The following DNAH10 variants were observed in gnomAD, a reference collection of about 807,000 sequenced individuals.
The protein encoded by DNAH10 is axonemal beta dynein heavy chain 10.
In DNAH10, 348 loss-of-function variants were observed where a neutral mutation model predicts 506.6. That is an observed-to-expected ratio of 0.69 (90% CI 0.63 to 0.75). The LOEUF (loss-of-function observed/expected upper bound fraction) is 0.75. Among genes scored for constraint, DNAH10 ranks in the 30% least tolerant of loss-of-function variants. The pLI is 0.00. For missense variants in DNAH10, 5,179 were observed against 5,787.1 expected, an observed-to-expected ratio of 0.89 and a Z score of 3.41; for synonymous variants, 2,059 against 2,198.6, an observed-to-expected ratio of 0.94 and a Z score of 1.78.
At chr12:123,842,700 A>G (rs1950814854) in intron 30 of DNAH10, among the ~76,000 whole-genome samples, 2 of 152,220 alleles carry the variant, frequency 1.3e-5, no homozygotes, top group Admixed American at 1.3e-4. Context: ...AAACTGGTAA[A>G]ACTGGATGTC....
At position 123,762,329 on chromosome 12, in the gene DNAH10, G is replaced by A; in HGVS notation, c.-8G>A. 7.5e-7 allele frequency: 1 copy of A among 1,334,850 alleles called. No individual in the cohort carries two copies. The highest frequency in any genetic ancestry group is 9.6e-7 in the Non-Finnish European group (1 of 1,041,298). The allele number at this position is 1,334,850 out of a possible 1,614,324, so 82.7% of individuals were successfully genotyped here. ...CTGCGCCCGGCTCCCTCTGCACTGC[G>A]CGGCGCCATGGACGACCTGCGGGTG... On this transcript the variant is annotated 5_prime_UTR_variant, in exon 1 of 79. Transcript: ENST00000673944. This position sits in a 1 kb window ranked among gnomAD's most constrained non-coding sequence, Gnocchi z 5.0.
rs1405799316 is a variant in DNAH10, at chr12:123,804,967, GC to G, written c.2919del (p.Lys974SerfsTer17). On this transcript the variant is annotated frameshift_variant, in exon 18 of 79. Transcript: ENST00000673944. LOFTEE classifies it high-confidence loss of function. The part of the protein sequence containing the change: ...GLVVHTNTGK[A>X]PKLASYYKYW... ...GGTCGTCCACACCAACACAGGCAAG[GC>G]CCCCAAGCTGGCCTCCTACTACAAA... 6.2e-7 allele frequency: 1 copy of G among 1,614,084 alleles called. No individual in the cohort carries two copies. Among genetic ancestry groups the G allele is most frequent in the Admixed American group, 1.7e-5 (1 of 59,992 alleles).
In DNAH10 at chr12:123,921,691, G is replaced by GTTTTTTT. The variant is rs35553163; in HGVS notation, c.11507-2038_11507-2032dup. The stretch of plus-strand genomic sequence containing the variant: ...CTTGTCCATCTGTCTGTAGCTTGCA[G>GTTTTTTT]TTTTTTTTTTTTTTTTTTTTTTTTT... On this transcript the variant is annotated intron_variant, in intron 65 of 78. Transcript: ENST00000673944. 6.5e-4 allele frequency among the ~76,000 whole-genome samples: 41 copies of GTTTTTTT among 62,882 alleles called. 7 individuals are homozygous for GTTTTTTT. Among genetic ancestry groups the GTTTTTTT allele is most frequent in the South Asian group, 8.7e-4 (1 of 1,156 alleles). The allele number at this position is 62,882 out of a possible 152,430, so 41.3% of individuals were successfully genotyped here.
At position 123,917,675 on chromosome 12, in the gene DNAH10, G is replaced by T; in HGVS notation, c.11094G>T (p.Gln3698His). The T allele has an allele frequency of 6.4e-7, 1 of 1,552,638 alleles. No homozygotes were observed. The highest frequency in any genetic ancestry group is 8.7e-7 in the Non-Finnish European group (1 of 1,147,618). Reference protein sequence around the residue: ...ELEEQREHLIQETSENKNLLK... With the variant: ...ELEEQREHLIHETSENKNLLK... Reference sequence around the variant, plus strand: ...AGGAGCAGCGGGAGCACCTCATCCAGGAGACCAGCGAGAACAAGAACCTGC... The same window carrying T: ...AGGAGCAGCGGGAGCACCTCATCCATGAGACCAGCGAGAACAAGAACCTGC... Residue 3698 changes from glutamine (Q) to histidine (H), a missense_variant, in exon 64 of 79, where the codon CAG becomes CAT. Physicochemically the swap from Gln to His is conservative, Grantham distance 24. Coordinates refer to ENST00000673944, the MANE Select transcript of DNAH10 (RefSeq NM_001372106.1). The surrounding 1 kb of genome is among the most constrained non-coding windows in gnomAD (Gnocchi z 5.6).
At chr12:123,843,928 T>C (rs541589236) in intron 30 of DNAH10, among the ~76,000 whole-genome samples, 1 of 152,260 alleles carries the variant, frequency 6.6e-6, no homozygotes, top group South Asian at 2.1e-4. Context: ...ATCAAGATAA[T>C]GACTATAGTA....
chr12:123,845,725 A>G lies in DNAH10; in HGVS notation c.5486A>G (p.Tyr1829Cys), dbSNP rs764735972. The G allele has an allele frequency of 1.2e-6, 2 of 1,613,824 alleles. No individual in the cohort carries two copies. Among genetic ancestry groups the G allele is most frequent in the African/African-American group, 2.7e-5 (2 of 74,908 alleles). The change falls in exon 31 of 79, where the codon TAT (tyrosine) becomes TGT (cysteine). Residue 1829 changes from tyrosine to cysteine, a missense_variant. Physicochemically the swap from Tyr to Cys is radical, Grantham distance 194. Coordinates refer to ENST00000673944, the MANE Select transcript of DNAH10 (RefSeq NM_001372106.1). ...QKGEKQAMKN[Y>C]GRKMHRQIDE... ...GGGGAGAAGCAGGCCATGAAGAACT[A>G]TGGCAGGAAAATGCACCGGCAGATC...
intron 3 of DNAH10, 22 bp from the exon 4 acceptor site, chr12:123,772,812 G>A: frequency 1.3e-6 from 2 of 1,566,262 alleles, no homozygotes; most frequent in Non-Finnish European, 1.7e-6. Flanking sequence ...AGAATGAATG[G>A]TTTTTGTTCC....
intron 19 of DNAH10, among the ~76,000 whole-genome samples, chr12:123,811,126 T>C (rs1958915102): frequency 6.6e-6 from 1 of 152,206 alleles, no homozygotes; most frequent in Non-Finnish European, 1.5e-5. Flanking sequence ...AGGATTCCTA[T>C]TTCGTGGCAA....
Position 123,866,007 on chromosome 12 carries a change from T to C in DNAH10, c.7101T>C (p.Tyr2367=), listed in dbSNP as rs899032141. The change falls in exon 41 of 79, where the codon TAT becomes TAC. Residue 2367 remains tyrosine, a synonymous_variant. Coordinates refer to ENST00000673944, the MANE Select transcript of DNAH10 (RefSeq NM_001372106.1). Reference sequence around the variant, plus strand: ...CTGTCTCTCGATGTGGAATGGTTTATGTGGATCCTAAAAACTTGAAATATC... The same window carrying C: ...CTGTCTCTCGATGTGGAATGGTTTACGTGGATCCTAAAAACTTGAAATATC... ...PATVSRCGMV[Y]VDPKNLKYRP... The C allele has an allele frequency of 6.2e-7, 1 of 1,612,756 alleles. No homozygotes were observed. Among genetic ancestry groups the C allele is most frequent in the Non-Finnish European group, 8.5e-7 (1 of 1,179,610 alleles).
chr12:123,879,720 C>T lies in DNAH10; in HGVS notation c.8553C>T (p.Asp2851=), dbSNP rs1436946589. 1.9e-6 allele frequency: 3 copies of T among 1,613,876 alleles called. No individual in the cohort carries two copies. The highest frequency in any genetic ancestry group is 1.7e-6 in the Non-Finnish European group (2 of 1,179,904). The change falls in exon 50 of 79, where the codon GAC becomes GAT. Residue 2851 remains aspartate, a synonymous_variant. Coordinates refer to ENST00000673944, the MANE Select transcript of DNAH10 (RefSeq NM_001372106.1). ...TGAGGGATCCCATATTGTTTGGAGA[C>T]TTCCAGATGGCTCTGCACGAAGGAG... ...VVMRDPILFG[D]FQMALHEGEP...
Position 123,771,687 on chromosome 12 carries a change from C to T in DNAH10, c.385C>T (p.Leu129Phe). Reference sequence around the variant, plus strand: ...AATGGACAAAGAGATTTCAGAAAAACTCCCTTCCAAAGTAAGCATGGCTCT... The same window carrying T: ...AATGGACAAAGAGATTTCAGAAAAATTCCCTTCCAAAGTAAGCATGGCTCT... ...EEMDKEISEK[L>F]PSKRTAKHIM... is the part of the protein sequence containing the mutation. Residue 129 changes from leucine to phenylalanine, a missense_variant, in exon 3 of 79, where the codon CTC becomes TTC. By Grantham distance (22) the Leu-to-Phe change is conservative. Coordinates refer to ENST00000673944, the MANE Select transcript of DNAH10 (RefSeq NM_001372106.1). 1 of 1,611,252 alleles carries T rather than the reference C, an allele frequency of 6.2e-7. No homozygotes were observed. The highest frequency in any genetic ancestry group is 8.5e-7 in the Non-Finnish European group (1 of 1,178,758).
rs1185109896 is a variant in DNAH10, at chr12:123,813,206, C to T, written c.3187C>T (p.Pro1063Ser). Residue 1063 changes from proline (P) to serine (S), a missense_variant, in exon 20 of 79, where the codon CCT (proline) becomes TCT (serine). Pro to Ser is a moderately conservative substitution (Grantham distance 74). Around this residue, in one of 3 missense-constraint regions of DNAH10, gnomAD observed 4,844 missense variants for 5,430.5 expected, o/e 0.89. Transcript: ENST00000673944. ...WMNGSCIECP[P>S]QKGEEEEVVI... ...GAATGGCAGCTGCATAGAATGCCCA[C>T]CTCAGAAGGGGGAGGAAGAGGAAGT... 1.2e-6 allele frequency: 2 copies of T among 1,613,460 alleles called. No homozygotes were observed. The highest frequency in any genetic ancestry group is 1.7e-6 in the Non-Finnish European group (2 of 1,179,586).
chr12:123,877,180 T>C (rs1952291176), intron 47 of DNAH10, among the ~76,000 whole-genome samples: 1 of 152,186 alleles, frequency 6.6e-6, no homozygotes, highest in Non-Finnish European at 1.5e-5. Flanking sequence ...CATGGAGTTT[T>C]CCATGTTGGG....
intron 26 of DNAH10, among the ~76,000 whole-genome samples, chr12:123,831,285 A>G (rs1960518233): frequency 6.6e-6 from 1 of 152,184 alleles, no homozygotes; most frequent in Non-Finnish European, 1.5e-5. Flanking sequence ...ATACACACAT[A>G]CTACTCATAT....
Position 123,781,367 on chromosome 12 carries a change from A to G in DNAH10, c.841+68A>G, listed in dbSNP as rs1957642013. ...TTACTGTAGTTGGGATTACAGGTGC[A>G]TGCCACCATGCCTGGCTAACTTTTG... On this transcript the variant is annotated intron_variant, in intron 6 of 78. Transcript: ENST00000673944. The G allele has an allele frequency of 2.2e-6, 3 of 1,379,194 alleles. No homozygotes were observed. The Admixed American group carries it at 6.2e-5, about 29-fold the overall frequency. 85.4% of individuals were successfully genotyped at this position (1,379,194 alleles called of 1,614,324 possible). A position where few individuals can be genotyped will look rare whatever the true frequency, so the allele number is the denominator to read the frequency against.
Position 123,914,939 on chromosome 12 carries a change from C to T in DNAH10, c.10662C>T (p.Ile3554=), listed in dbSNP as rs762906208. The T allele has an allele frequency of 2.6e-5, 42 of 1,612,284 alleles. No individual in the cohort carries two copies. The highest frequency in any genetic ancestry group is 1.3e-4 in the East Asian group (6 of 44,848). Residue 3554 remains isoleucine (I), a synonymous_variant, in exon 62 of 79, where the codon ATC becomes ATT. Transcript: ENST00000673944. ...TTRASRFPLC[I]DPQQQALNWI... The stretch of plus-strand genomic sequence containing the variant: ...GGGCCAGCCGCTTCCCTCTGTGTAT[C>T]GACCCCCAGCAGCAGGCCCTCAACT...
intron 26 of DNAH10, 38 bp downstream of exon 26, chr12:123,830,737 C>G (rs1422935809): frequency 1.3e-6 from 2 of 1,523,220 alleles, no homozygotes; most frequent in East Asian, 2.3e-5. Flanking sequence ...AGAAAACAGT[C>G]TTTTTTTAAT....
At chr12:123,854,951 C>G (rs533865388) in intron 36 of DNAH10, among the ~76,000 whole-genome samples, 1 of 152,318 alleles carries the variant, frequency 6.6e-6, no homozygotes, top group East Asian at 1.9e-4. Context: ...TTTATTTAGT[C>G]TTGTTTGGAA....
In DNAH10 at chr12:123,813,220, G is replaced by A. The variant is rs771765667; in HGVS notation, c.3201G>A (p.Glu1067=). Residue 1067 remains glutamate, a synonymous_variant, in exon 20 of 79, where the codon GAG becomes GAA. Transcript: ENST00000673944. ...SCIECPPQKG[E]EEEVVIINFY... Reference sequence around the variant, plus strand: ...TAGAATGCCCACCTCAGAAGGGGGAGGAAGAGGAAGTTGTTATAATAAACT... The same window carrying A: ...TAGAATGCCCACCTCAGAAGGGGGAAGAAGAGGAAGTTGTTATAATAAACT... 15 of 1,613,854 alleles carry A rather than the reference G, an allele frequency of 9.3e-6. No homozygotes were observed. In the East Asian group the frequency reaches 2.9e-4, roughly 31 times the overall value.
Sources: allele counts gnomAD v4.1 joint callset (sites outside exome capture counted in the v4.1 genomes callset), GRCh38; gene constraint gnomAD v4.1.1; regional missense constraint gnomAD v4.1.1; non-coding constraint Gnocchi (gnomAD v3.1); transcripts MANE v1.5; gene names NCBI Gene and HGNC (gene_info 2026-07-23, HGNC 2026-07-21).